Variants in L3MBTL4 observed in about 807,000 individuals in gnomAD.
The protein encoded by L3MBTL4 is L3MBTL histone methyl-lysine binding protein 4.
In L3MBTL4, 70 loss-of-function variants were observed where a neutral mutation model predicts 84.5. The ratio of observed to expected loss-of-function variants is 0.83; its 90% CI spans 0.68 to 1.01. L3MBTL4 has a LOEUF of 1.01. Among genes scored for constraint, L3MBTL4 ranks in the 50% least tolerant of loss-of-function variants. The pLI is 0.00. For synonymous variants in L3MBTL4, 274 were observed against 259.8 expected (o/e 1.05, Z -0.52); for missense variants, 715 against 754.8 (o/e 0.95, Z 0.62).
chr18:6,016,344 C>T (rs1324064897), intron 16 of L3MBTL4, among the ~76,000 whole-genome samples: 1 of 152,200 alleles, frequency 6.6e-6, no homozygotes, highest in Non-Finnish European at 1.5e-5. Flanking sequence ...ACTCCTTAGG[C>T]ACCATTTGGC....
chr18:6,136,876 C>T (rs531094745), intron 14 of L3MBTL4, among the ~76,000 whole-genome samples: 126 of 152,284 alleles, frequency 8.3e-4, no homozygotes, highest in African/African-American at 2.8e-3. Flanking sequence ...CCACCAGTAA[C>T]GAGGACAGAA....
chr18:6,125,395 T>TA (rs1318568988), intron 14 of L3MBTL4, among the ~76,000 whole-genome samples: 3 of 152,182 alleles, frequency 2.0e-5, no homozygotes, highest in Non-Finnish European at 4.4e-5. Context: ...TCTTTCTTTT[T>TA]AAAAAAATAG....
At chr18:6,324,397 C>T (rs1167419138) in intron 1 of L3MBTL4, among the ~76,000 whole-genome samples, 1 of 152,212 alleles carries the variant, frequency 6.6e-6, no homozygotes, top group Non-Finnish European at 1.5e-5. Context: ...CACGATGCTC[C>T]TGGAAAAGCT....
intron 16 of L3MBTL4, among the ~76,000 whole-genome samples, chr18:6,043,910 T>TA (rs995394472): frequency 3.3e-5 from 5 of 152,190 alleles, no homozygotes; most frequent in African/African-American, 9.6e-5. Flanking sequence ...GCTTTTCCCC[T>TA]AAAAAATCAT....
intron 10 of L3MBTL4, among the ~76,000 whole-genome samples, chr18:6,218,216 ATGT>A (rs2145853383): frequency 6.6e-6 from 1 of 152,320 alleles, no homozygotes; most frequent in South Asian, 2.1e-4. Context: ...TCCTGGGCTC[ATGT>A]TGTTCTCTCA....
At position 5,955,372 on chromosome 18, in the gene L3MBTL4, T is replaced by C. The variant is rs954625626; in HGVS notation, c.*848A>G. 2.0e-5 allele frequency: 3 copies of C among 152,284 alleles called. No individual in the cohort carries two copies. The highest frequency in any genetic ancestry group is 2.0e-4 in the Admixed American group (3 of 15,276). The allele number at this position is 152,284 out of a possible 1,614,324, so 9.4% of individuals were successfully genotyped here. A position where few individuals can be genotyped will look rare whatever the true frequency, so the allele number is the denominator to read the frequency against. On this transcript the variant is annotated 3_prime_UTR_variant, in exon 19 of 19. Transcript: ENST00000317931. ...TTACAGGGGTTCTGGCAGACTGCAG[T>C]GGAAATGAGTCAATTCTGAAACGCC... is the stretch of plus-strand genomic sequence containing the variant.
At chr18:6,086,600 C>A (rs922764106) in intron 15 of L3MBTL4, among the ~76,000 whole-genome samples, 9 of 152,164 alleles carry the variant, frequency 5.9e-5, no homozygotes, top group African/African-American at 2.2e-4. Flanking sequence ...TGCCCCTGAG[C>A]TGATCCGGGC....
intron 1 of L3MBTL4, among the ~76,000 whole-genome samples, chr18:6,393,130 A>T (rs191763985): frequency 3.4e-4 from 52 of 152,348 alleles, no homozygotes; most frequent in Admixed American, 1.4e-3. Flanking sequence ...GAGCCTACAG[A>T]CATCATATTT....
intron 4 of L3MBTL4, among the ~76,000 whole-genome samples, chr18:6,277,977 T>C (rs1487553302): frequency 1.3e-5 from 2 of 152,046 alleles, no homozygotes; most frequent in African/African-American, 4.8e-5. Flanking sequence ...GGAGGAACCA[T>C]ACCTATGTGT....
chr18:6,289,770 T>C (rs987893224), intron 4 of L3MBTL4, among the ~76,000 whole-genome samples: 4 of 152,208 alleles, frequency 2.6e-5, no homozygotes, highest in Non-Finnish European at 5.9e-5. Flanking sequence ...AATGTTTATC[T>C]TGAAGGCTTG....
intron 16 of L3MBTL4, among the ~76,000 whole-genome samples, chr18:6,063,607 G>C (rs773191615): frequency 6.6e-6 from 1 of 151,794 alleles, no homozygotes; most frequent in Admixed American, 6.6e-5. Context: ...GATGATTAGT[G>C]ATATTGAGCA....
intron 13 of L3MBTL4, among the ~76,000 whole-genome samples, chr18:6,141,494 G>A (rs1228593488): frequency 6.6e-6 from 1 of 152,102 alleles, no homozygotes; most frequent in Non-Finnish European, 1.5e-5. Flanking sequence ...TGTTCAGACT[G>A]AACCTATCGT....
intron 14 of L3MBTL4, among the ~76,000 whole-genome samples, chr18:6,122,139 C>G (rs1197317234): frequency 6.6e-6 from 1 of 152,138 alleles, no homozygotes; most frequent in Non-Finnish European, 1.5e-5. Context: ...CAGGGCTGCT[C>G]TGTGTATTAA....
chr18:6,232,711 T>G (rs533620610), intron 10 of L3MBTL4, among the ~76,000 whole-genome samples: 2 of 152,290 alleles, frequency 1.3e-5, no homozygotes, highest in South Asian at 4.1e-4. Flanking sequence ...TTATTCATTT[T>G]ATTTTCTTTG....
intron 16 of L3MBTL4, among the ~76,000 whole-genome samples, chr18:5,977,381 T>G (rs906255973): frequency 2.0e-5 from 3 of 152,198 alleles, no homozygotes; most frequent in African/African-American, 7.2e-5. Context: ...ATCCAGGAAC[T>G]GAGTCAGCTC....
chr18:6,410,935 C>T (rs1056166074), intron 1 of L3MBTL4, among the ~76,000 whole-genome samples: 5 of 152,174 alleles, frequency 3.3e-5, no homozygotes, highest in Admixed American at 1.3e-4. Context: ...GCCTCCATTA[C>T]GGCGACATCA....
chr18:6,178,857 C>A (rs2044339220), intron 12 of L3MBTL4, among the ~76,000 whole-genome samples: 1 of 152,184 alleles, frequency 6.6e-6, no homozygotes, highest in Non-Finnish European at 1.5e-5. Context: ...TTTTCCTTAT[C>A]TTTACTTCCC....
At chr18:6,035,499 T>C (rs1252425340) in intron 16 of L3MBTL4, among the ~76,000 whole-genome samples, 1 of 151,952 alleles carries the variant, frequency 6.6e-6, no homozygotes, top group Admixed American at 6.5e-5. Flanking sequence ...TTCTGTTCCA[T>C]TGATCTATAT....
chr18:6,188,301 TTATA>T (rs1418531620), intron 12 of L3MBTL4, among the ~76,000 whole-genome samples: 1 of 150,088 alleles, frequency 6.7e-6, no homozygotes, highest in Non-Finnish European at 1.5e-5. Flanking sequence ...ATATAAAAAT[TTATA>T]TATACTCTAT....
Sources: allele counts gnomAD v4.1 joint callset (sites outside exome capture counted in the v4.1 genomes callset), GRCh38; gene constraint gnomAD v4.1.1; transcripts MANE v1.5; gene names NCBI Gene and HGNC (gene_info 2026-07-23, HGNC 2026-07-21).